The following OSBPL10 variants were observed in gnomAD, a reference collection of about 807,000 sequenced individuals.
The protein encoded by OSBPL10 is oxysterol binding protein like 10, also known as oxysterol-binding protein-related protein 10.
Under a neutral mutation model 81.7 loss-of-function variants are expected in OSBPL10, and 49 were observed. The ratio of observed to expected loss-of-function variants is 0.60; its 90% CI spans 0.48 to 0.76. OSBPL10 has a LOEUF of 0.76. Ranked by LOEUF, OSBPL10 falls within the 30% of genes least tolerant of loss-of-function variation. The pLI is 0.00. For synonymous variants in OSBPL10, 419 were observed against 383.6 expected (o/e 1.09, Z -1.08); for missense variants, 923 against 987.8 (o/e 0.93, Z 0.88).
intron 1 of OSBPL10, among the ~76,000 whole-genome samples, chr3:31,920,023 G>A (rs906401400): frequency 1.3e-5 from 2 of 152,228 alleles, no homozygotes; most frequent in African/African-American, 4.8e-5. Context: ...TAATGACTAT[G>A]AGTTCTGACT....
At chr3:31,752,337 G>A (rs1442266962) in intron 4 of OSBPL10, among the ~76,000 whole-genome samples, 2 of 152,124 alleles carry the variant, frequency 1.3e-5, no homozygotes, top group Admixed American at 6.6e-5. Flanking sequence ...ATTTCTTTCT[G>A]GAATTTAGCT....
At chr3:31,715,164 C>A (rs1319056931) in intron 6 of OSBPL10, among the ~76,000 whole-genome samples, 1 of 152,088 alleles carries the variant, frequency 6.6e-6, no homozygotes, top group Non-Finnish European at 1.5e-5. Context: ...GCTATCTAAT[C>A]CAGAAGCTGT....
At chr3:31,770,643 G>A (rs555160867) in intron 4 of OSBPL10, among the ~76,000 whole-genome samples, 9 of 152,204 alleles carry the variant, frequency 5.9e-5, no homozygotes, top group South Asian at 2.1e-4. Flanking sequence ...AAAATTAGCC[G>A]GGCATGGAGG....
chr3:31,919,244 A>G (rs916237992), intron 1 of OSBPL10: 1 of 152,206 alleles, frequency 6.6e-6, no homozygotes, highest in Non-Finnish European at 1.5e-5. Context: ...AATGTAAATA[A>G]GTCTGACATA....
At chr3:31,700,621 C>T (rs1332576556) in intron 7 of OSBPL10, among the ~76,000 whole-genome samples, 1 of 152,174 alleles carries the variant, frequency 6.6e-6, no homozygotes, top group Non-Finnish European at 1.5e-5. Context: ...GGTGGCCTGA[C>T]CTCCACTAAA....
chr3:32,042,483 G>C (rs1309728643), intron 2 of OSBPL10, among the ~76,000 whole-genome samples: 2 of 152,168 alleles, frequency 1.3e-5, no homozygotes, highest in Admixed American at 6.5e-5. Context: ...CCCACCTTCA[G>C]TTCCATGGTC....
intron 3 of OSBPL10, among the ~76,000 whole-genome samples, chr3:31,852,720 A>G (rs1480651927): frequency 2.0e-5 from 3 of 152,148 alleles, no homozygotes; most frequent in Admixed American, 6.5e-5. Flanking sequence ...GTGAGACTAC[A>G]GGCACACGCC....
At chr3:31,830,279 A>C in intron 3 of OSBPL10, 48 bp from the exon 4 acceptor site, 2 of 1,544,266 alleles carry the variant, frequency 1.3e-6, no homozygotes, top group Non-Finnish European at 1.8e-6. Flanking sequence ...CCTGCAGAAC[A>C]CAACTAAGTG....
At chr3:31,778,891 G>A (rs915985746) in intron 4 of OSBPL10, among the ~76,000 whole-genome samples, 1 of 152,170 alleles carries the variant, frequency 6.6e-6, no homozygotes, top group Non-Finnish European at 1.5e-5. Context: ...TTATTAGCCA[G>A]AAGGGACTGG....
intron 7 of OSBPL10, among the ~76,000 whole-genome samples, chr3:31,685,356 C>T (rs111818071): frequency 0.022 from 3,295 of 152,290 alleles, 55 homozygotes; most frequent in Middle Eastern, 0.058. Context: ...GCACATGCCA[C>T]CATACCCAGC....
intron 6 of OSBPL10, among the ~76,000 whole-genome samples, chr3:31,705,238 A>C (rs1160719457): frequency 6.6e-6 from 1 of 152,188 alleles, no homozygotes. Flanking sequence ...TGTGATTTGT[A>C]AACAATTCTC....
intron 4 of OSBPL10, among the ~76,000 whole-genome samples, chr3:31,800,375 G>T (rs752418360): frequency 6.6e-6 from 1 of 152,168 alleles, no homozygotes; most frequent in Non-Finnish European, 1.5e-5. Flanking sequence ...GGAGAACAGA[G>T]AAAAAGTACT....
At chr3:31,802,377 G>C (rs1699404185) in intron 4 of OSBPL10, among the ~76,000 whole-genome samples, 1 of 150,552 alleles carries the variant, frequency 6.6e-6, no homozygotes, top group Non-Finnish European at 1.5e-5. Context: ...GGGCAACATG[G>C]TGAAACCCCA....
At chr3:31,878,004 C>T (rs1326225314) in intron 2 of OSBPL10, among the ~76,000 whole-genome samples, 2 of 152,138 alleles carry the variant, frequency 1.3e-5, no homozygotes, top group African/African-American at 4.8e-5. Flanking sequence ...AAATGAGACA[C>T]CAACAGCCAG....
intron 1 of OSBPL10, among the ~76,000 whole-genome samples, chr3:31,898,559 A>G (rs1006730301): frequency 6.7e-5 from 10 of 150,288 alleles, no homozygotes; most frequent in Middle Eastern, 3.2e-3. Flanking sequence ...AGCCTGGGCA[A>G]CATAGCAAGA....
chr3:32,031,007 A>G (rs1308542572), intron 2 of OSBPL10, among the ~76,000 whole-genome samples: 2 of 152,104 alleles, frequency 1.3e-5, no homozygotes, highest in African/African-American at 2.4e-5. Context: ...CTCTACTAAA[A>G]ATACAAAAAG....
chr3:31,683,968 T>C lies in OSBPL10; in HGVS notation c.1392A>G (p.Thr464=). The part of the protein sequence containing the change: ...RVICFVEYYL[T]AFHEGRKGAL... ...CGCCCTTGCGGCCCTCGTGAAAGGC[T>C]GTGAGATAATACTCAACGAAGCAAA... Residue 464 remains threonine, a synonymous_variant, in exon 8 of 12, where the codon ACA becomes ACG. Coordinates refer to ENST00000396556, the MANE Select transcript of OSBPL10 (RefSeq NM_017784.5). 6.2e-7 allele frequency: 1 copy of C among 1,614,264 alleles called. No individual in the cohort carries two copies. The highest frequency in any genetic ancestry group is 8.5e-7 in the Non-Finnish European group (1 of 1,180,042).
At chr3:32,073,064 C>A (rs1284065238) in intron 1 of OSBPL10, among the ~76,000 whole-genome samples, 1 of 152,148 alleles carries the variant, frequency 6.6e-6, no homozygotes, top group African/African-American at 2.4e-5. Context: ...AGCTCAGCCT[C>A]CATCTTAAAA....
intron 7 of OSBPL10, among the ~76,000 whole-genome samples, chr3:31,701,140 T>C (rs1313876430): frequency 6.6e-6 from 1 of 152,200 alleles, no homozygotes; most frequent in Non-Finnish European, 1.5e-5. Context: ...TTAGTCACTC[T>C]GTTCTGTCAT....
Sources: allele counts gnomAD v4.1 joint callset (sites outside exome capture counted in the v4.1 genomes callset), GRCh38; gene constraint gnomAD v4.1.1; transcripts MANE v1.5; gene names NCBI Gene and HGNC (gene_info 2026-07-23, HGNC 2026-07-21).